Variants in OCIAD1 observed in about 807,000 individuals in gnomAD.
The protein encoded by OCIAD1 is OCIA domain containing 1, also known as OCIA domain-containing protein 1.
Under a neutral mutation model 38.9 loss-of-function variants are expected in OCIAD1, and 29 were observed. The ratio of observed to expected loss-of-function variants is 0.74; its 90% CI spans 0.55 to 1.02. The LOEUF is 1.02. Ranked by LOEUF, OCIAD1 falls within the 50% of genes least tolerant of loss-of-function variation. The pLI is 0.00. For missense variants in OCIAD1, 288 were observed against 289.6 expected, an observed-to-expected ratio of 0.99 and a Z score of 0.04; for synonymous variants, 110 against 92.0, an observed-to-expected ratio of 1.20 and a Z score of -1.12.
chr4:48,851,816 C>A lies in OCIAD1; in HGVS notation c.388C>A (p.Gln130Lys). The change falls in exon 7 of 9, where the codon CAA (glutamine) becomes AAA (lysine). Residue 130 changes from glutamine (Q) to lysine (K), a missense_variant. Physicochemically the swap from Gln to Lys is moderately conservative, Grantham distance 53 (BLOSUM62 1). Coordinates refer to ENST00000264312, the MANE Select transcript of OCIAD1 (RefSeq NM_017830.4). ...RRSSPPGHYY[Q>K]KSKYDSSVSG... ...GATTTTCATTTACAGGCACTATTAT[C>A]AAAAGTCAAAATATGACTCAAGTGT... The A allele has an allele frequency of 6.2e-7, 1 of 1,604,046 alleles. No individual in the cohort carries two copies. Among genetic ancestry groups the A allele is most frequent in the South Asian group, 1.1e-5 (1 of 90,660 alleles).
chr4:48,831,273 C>A (rs1043900401), intron 1 of OCIAD1, 24 bp downstream of exon 1: 2 of 351,630 alleles, frequency 5.7e-6, no homozygotes, highest in Admixed American at 7.6e-5. Flanking sequence ...CGCAAACAGC[C>A]CCGTTGTTGC....
At chr4:48,817,764 A>C (rs1180560490) in intron 1 of OCIAD1, among the ~76,000 whole-genome samples, 1 of 152,150 alleles carries the variant, frequency 6.6e-6, no homozygotes, top group Non-Finnish European at 1.5e-5. Context: ...GCCATTACTG[A>C]CATTTTAGAA....
At chr4:48,857,407 G>A (rs1244052977) in intron 8 of OCIAD1, 42 bp downstream of exon 8, 2 of 1,328,676 alleles carry the variant, frequency 1.5e-6, no homozygotes, top group Non-Finnish European at 2.0e-6. Flanking sequence ...TTGAGGATTG[G>A]AAACTAAAAC....
intron 3 of OCIAD1, among the ~76,000 whole-genome samples, chr4:48,834,856 T>A (rs1777843535): frequency 6.6e-6 from 1 of 152,236 alleles, no homozygotes; most frequent in Non-Finnish European, 1.5e-5. Flanking sequence ...TATGTATGCT[T>A]AAAATGTGCA....
chr4:48,828,281 C>T (rs113218839), upstream of OCIAD1, among the ~76,000 whole-genome samples: 20 of 152,284 alleles, frequency 1.3e-4, no homozygotes, highest in Admixed American at 3.9e-4. Context: ...CTGTGTCTAG[C>T]TCATGGATTG....
chr4:48,854,116 A>G (rs17656727), intron 7 of OCIAD1, among the ~76,000 whole-genome samples: 3,277 of 152,288 alleles, frequency 0.022, 41 homozygotes, highest in Middle Eastern at 0.037. Context: ...GTTCAAATCC[A>G]TTCTTCTTGT....
chr4:48,810,431 T>A, intron 1 of OCIAD1, among the ~76,000 whole-genome samples: 1 of 136,272 alleles, frequency 7.3e-6, no homozygotes, highest in South Asian at 2.2e-4. Context: ...ATCGCACCAC[T>A]GCACTCCAAC....
At chr4:48,819,213 T>A (rs1349903745) in intron 1 of OCIAD1, among the ~76,000 whole-genome samples, 1 of 152,118 alleles carries the variant, frequency 6.6e-6, no homozygotes, top group Non-Finnish European at 1.5e-5. Context: ...CCCATCAGAC[T>A]AACAGTGGAT....
chr4:48,834,771 C>G (rs867495087), intron 3 of OCIAD1, among the ~76,000 whole-genome samples: 14 of 151,966 alleles, frequency 9.2e-5, no homozygotes, highest in Admixed American at 4.6e-4. Flanking sequence ...CAGAGCCAGA[C>G]CCTGTCTCAA....
intron 1 of OCIAD1, 173 bp downstream of exon 1, chr4:48,831,422 GCTT>G: frequency 8.8e-7 from 1 of 1,142,510 alleles, no homozygotes; most frequent in Admixed American, 2.3e-5. Flanking sequence ...GCGACGGAGT[GCTT>G]CTGGGGGTGT....
At chr4:48,837,568 AG>A (rs1486973651) in intron 3 of OCIAD1, among the ~76,000 whole-genome samples, 1 of 151,726 alleles carries the variant, frequency 6.6e-6, no homozygotes, top group African/African-American at 2.4e-5. Flanking sequence ...TGGGATTACA[AG>A]CATGAGCCAC....
At chr4:48,836,305 A>G (rs914429205) in intron 3 of OCIAD1, among the ~76,000 whole-genome samples, 2 of 152,202 alleles carry the variant, frequency 1.3e-5, no homozygotes, top group Non-Finnish European at 2.9e-5. Context: ...AGTTCGACTA[A>G]GGGGGAATGA....
In OCIAD1 at chr4:48,849,988, G is replaced by A. The variant is rs1160903595; in HGVS notation, c.283G>A (p.Val95Met). Residue 95 changes from valine (V) to methionine (M), a missense_variant, in exon 6 of 9, where the codon GTG becomes ATG. By Grantham distance (21) the Val-to-Met change is conservative. Transcript: ENST00000264312. ...ATACTTTGCTGGAAAACTTTCTTAT[G>A]TGAAAACTTGCCAAGAGAAATTCAA... Reference protein sequence around the residue: ...MGYFAGKLSYVKTCQEKFKKL... With the variant: ...MGYFAGKLSYMKTCQEKFKKL... The A allele has an allele frequency of 6.2e-7, 1 of 1,612,794 alleles. No individual in the cohort carries two copies. Among genetic ancestry groups the A allele is most frequent in the South Asian group, 1.1e-5 (1 of 90,634 alleles).
At chr4:48,855,776 C>T (rs1429732182) in intron 7 of OCIAD1, among the ~76,000 whole-genome samples, 1 of 151,144 alleles carries the variant, frequency 6.6e-6, no homozygotes, top group Non-Finnish European at 1.5e-5. Context: ...AGATTGTGCC[C>T]CTGTGCTCCA....
intron 1 of OCIAD1, among the ~76,000 whole-genome samples, chr4:48,813,554 T>C (rs1777112639): frequency 6.6e-6 from 1 of 152,170 alleles, no homozygotes; most frequent in South Asian, 2.1e-4. Flanking sequence ...CTTGGGAGGC[T>C]GAGATGGGAG....
chr4:48,818,894 G>T (rs1359041179), intron 1 of OCIAD1, among the ~76,000 whole-genome samples: 1 of 151,836 alleles, frequency 6.6e-6, no homozygotes, highest in Non-Finnish European at 1.5e-5. Context: ...GAAAAGGAAT[G>T]AAAAAAACCT....
chr4:48,811,217 C>T (rs1777086120), intron 1 of OCIAD1, among the ~76,000 whole-genome samples: 1 of 152,106 alleles, frequency 6.6e-6, no homozygotes, highest in Non-Finnish European at 1.5e-5. Context: ...GATCTCTTGC[C>T]TAACTTATTG....
At chr4:48,809,391 G>T (rs1335562564) in intron 1 of OCIAD1, among the ~76,000 whole-genome samples, 3 of 152,034 alleles carry the variant, frequency 2.0e-5, no homozygotes, top group Admixed American at 6.6e-5. Context: ...GGGAGCGGTG[G>T]TGGGCGCCAA....
chr4:48,825,245 A>G (rs1169630121), intron 1 of OCIAD1, among the ~76,000 whole-genome samples: 1 of 151,512 alleles, frequency 6.6e-6, no homozygotes, highest in Non-Finnish European at 1.5e-5. Flanking sequence ...CCCAGTCCTG[A>G]CTCCTTGTGC....
Sources: allele counts gnomAD v4.1 joint callset (sites outside exome capture counted in the v4.1 genomes callset), GRCh38; gene constraint gnomAD v4.1.1; transcripts MANE v1.5; gene names NCBI Gene and HGNC (gene_info 2026-07-23, HGNC 2026-07-21).